The following LRP2 variants were observed in gnomAD, a reference collection of about 807,000 sequenced individuals.
LRP2 encodes the protein LDL receptor related protein 2.
In LRP2, 172 loss-of-function variants were observed where a neutral mutation model predicts 531.0. That is an observed-to-expected ratio of 0.32 (90% confidence interval 0.29 to 0.37). The LOEUF is 0.37. Ranked by LOEUF, LRP2 falls within the 10% of genes least tolerant of loss-of-function variation. The pLI is 1.00. For missense variants in LRP2, 5,167 were observed against 5,868.3 expected, an observed-to-expected ratio of 0.88 and a Z score of 3.90; for synonymous variants, 1,992 against 2,027.6, an observed-to-expected ratio of 0.98 and a Z score of 0.47.
chr2:169,191,876 A>G lies in LRP2; in HGVS notation c.8988T>C (p.Asn2996=). Residue 2996 remains asparagine (N), a synonymous_variant, in exon 48 of 79, where the codon AAT becomes AAC. Coordinates refer to ENST00000649046, the MANE Select transcript of LRP2 (RefSeq NM_004525.3). ...ACAGTCCGTAACCACAGGTGAATTC[A>G]TTTTCAGAGCAAGTTCTCCTGGTGC... The part of the protein sequence containing the change: ...QNCTRRTCSE[N]EFTCGYGLCI... The G allele has an allele frequency of 6.2e-7, 1 of 1,614,108 alleles. No individual in the cohort carries two copies. Among genetic ancestry groups the G allele is most frequent in the East Asian group, 2.2e-5 (1 of 44,870 alleles).
At chr2:169,129,675 C>T (rs1468175050) in intron 77 of LRP2, among the ~76,000 whole-genome samples, 1 of 152,094 alleles carries the variant, frequency 6.6e-6, no homozygotes, top group African/African-American at 2.4e-5. Flanking sequence ...GAGGTAGGTA[C>T]ACTTATTATC....
In LRP2 at chr2:169,238,161, C is replaced by T. The variant is rs774823133; in HGVS notation, c.4436G>A (p.Arg1479His). 4.8e-5 allele frequency: 77 copies of T among 1,614,018 alleles called. No individual in the cohort carries two copies. The South Asian group carries it at 5.4e-4, about 11-fold the overall frequency. ...VAVDFDSISG[R>H]IFWSDATQGK... ...CTGAGTTGCATCAGACCAAAAGATA[C>T]GACCACTAATTGAATCAAAATCAAC... is the stretch of plus-strand genomic sequence containing the variant. The change falls in exon 27 of 79, where the codon CGT becomes CAT. Residue 1479 changes from arginine (R) to histidine (H), a missense_variant. Arg to His is a conservative substitution (Grantham distance 29). This residue lies in a region of LRP2 where 2,811 missense variants were observed against 3,058.0 expected (regional missense o/e 0.92). Transcript: ENST00000649046.
In LRP2 at chr2:169,206,059, G is replaced by T; in HGVS notation, c.7520C>A (p.Pro2507Gln). Residue 2507 changes from proline (P) to glutamine (Q), a missense_variant, in exon 40 of 79, where the codon CCA becomes CAA. By Grantham distance (76) the Pro-to-Gln change is moderately conservative. Around this residue, in one of 6 missense-constraint regions of LRP2, gnomAD observed 1,129 missense variants for 1,362.7 expected, o/e 0.83. Coordinates refer to ENST00000649046, the MANE Select transcript of LRP2 (RefSeq NM_004525.3). ...ATCTAACACAATTGCTCTTGGTTTT[G>T]GAACGCGGGCTATCACAGTGCGGTT... ...GSNRTVIARV[P>Q]KPRAIVLDPC... 1 of 1,614,192 alleles carries T rather than the reference G, an allele frequency of 6.2e-7. No individual in the cohort carries two copies. The highest frequency in any genetic ancestry group is 8.5e-7 in the Non-Finnish European group (1 of 1,180,040).
chr2:169,155,183 C>A (rs1459236523), intron 65 of LRP2, among the ~76,000 whole-genome samples: 1 of 152,170 alleles, frequency 6.6e-6, no homozygotes, highest in Non-Finnish European at 1.5e-5. Context: ...CCAAGATGCA[C>A]TGTCTAGAAT....
chr2:169,189,294 T>C (rs1439979489), intron 48 of LRP2, among the ~76,000 whole-genome samples: 1 of 152,216 alleles, frequency 6.6e-6, no homozygotes, highest in East Asian at 1.9e-4. Flanking sequence ...CCAGGCCTGC[T>C]AACCAGCACT....
intron 16 of LRP2, among the ~76,000 whole-genome samples, chr2:169,268,819 G>A (rs1683311894): frequency 6.6e-6 from 1 of 152,190 alleles, no homozygotes; most frequent in Admixed American, 6.5e-5. Context: ...AATTGTCCCT[G>A]TTTGCAGATG....
chr2:169,207,895 A>C (rs1688452533), intron 38 of LRP2, among the ~76,000 whole-genome samples: 1 of 152,244 alleles, frequency 6.6e-6, no homozygotes, highest in Non-Finnish European at 1.5e-5. Context: ...TATTGATTTC[A>C]TGTAGTTGAA....
At chr2:169,144,351 T>C (rs1685829050) in intron 70 of LRP2, among the ~76,000 whole-genome samples, 1 of 152,138 alleles carries the variant, frequency 6.6e-6, no homozygotes, top group South Asian at 2.1e-4. Flanking sequence ...TCAAACAGGC[T>C]GGGCTGGGGC....
intron 44 of LRP2, among the ~76,000 whole-genome samples, chr2:169,200,841 C>T (rs1179311158): frequency 6.6e-6 from 1 of 152,104 alleles, no homozygotes; most frequent in Non-Finnish European, 1.5e-5. Flanking sequence ...GAACAACCAC[C>T]GATGGATGCT....
At chr2:169,358,951 A>G (rs919703361) in intron 1 of LRP2, among the ~76,000 whole-genome samples, 2 of 151,696 alleles carry the variant, frequency 1.3e-5, no homozygotes, top group African/African-American at 4.8e-5. Context: ...AGGGTCTGAG[A>G]AGTCTTCAGA....
intron 3 of LRP2, among the ~76,000 whole-genome samples, chr2:169,315,483 C>T (rs969032113): frequency 6.6e-6 from 1 of 152,098 alleles, no homozygotes; most frequent in Non-Finnish European, 1.5e-5. Flanking sequence ...TGTCTAGAAC[C>T]GAGCATTCAG....
intron 1 of LRP2, among the ~76,000 whole-genome samples, chr2:169,338,440 G>A (rs563688367): frequency 4.0e-5 from 6 of 149,304 alleles, no homozygotes; most frequent in African/African-American, 7.4e-5. Flanking sequence ...GGAGGAAGAC[G>A]GAGGGAGGAA....
rs1053896706 is a variant in LRP2, at chr2:169,294,524, A to G, written c.538+76T>C. 3.9e-6 allele frequency: 4 copies of G among 1,037,824 alleles called. No homozygotes were observed. In the South Asian group the frequency reaches 3.9e-5, roughly 10 times the overall value. The allele number at this position is 1,037,824 out of a possible 1,614,324, so 64.3% of individuals were successfully genotyped here. On this transcript the variant is annotated intron_variant, in intron 5 of 78. Coordinates refer to ENST00000649046, the MANE Select transcript of LRP2 (RefSeq NM_004525.3). ...TCACTGAACCTGAACTTGGGAAGAGATGTACATATTGGCTCTCTCAAACCA... is the reference window on the plus strand; with the variant it reads ...TCACTGAACCTGAACTTGGGAAGAGGTGTACATATTGGCTCTCTCAAACCA...
Position 169,280,377 on chromosome 2 carries a change from A to G in LRP2, c.1314T>C (p.Val438=), listed in dbSNP as rs748100736. Residue 438 remains valine, a synonymous_variant, in exon 11 of 79, where the codon GTT becomes GTC. Transcript: ENST00000649046. ...GVAFHYHLQR[V]FWTDTVQNKV... ...TATTTTGCACGGTGTCTGTCCAAAA[A>G]ACTCTTTGCAGGTGATAGTGGAAAG... is the stretch of plus-strand genomic sequence containing the variant. 9.9e-6 allele frequency: 16 copies of G among 1,614,012 alleles called. No individual in the cohort carries two copies. The Admixed American group carries it at 2.0e-4, about 20-fold the overall frequency.
In LRP2 at chr2:169,201,839, G is replaced by C. The variant is rs1424564376; in HGVS notation, c.8241C>G (p.Thr2747=). 1 of 1,614,180 alleles carries C rather than the reference G, an allele frequency of 6.2e-7. No homozygotes were observed. Among genetic ancestry groups the C allele is most frequent in the Non-Finnish European group, 8.5e-7 (1 of 1,180,038 alleles). Residue 2747 remains threonine, a synonymous_variant, in exon 44 of 79, where the codon ACC becomes ACG. Transcript: ENST00000649046. The part of the protein sequence containing the change: ...ALHTCSPTAF[T]CANGRCVQYS... ...ATTGGACACATCGCCCATTGGCACA[G>C]GTGAAGGCTGTCGGTGAGCAGGTGT...
At chr2:169,332,021 G>C (rs1685282252) in intron 1 of LRP2, among the ~76,000 whole-genome samples, 1 of 152,186 alleles carries the variant, frequency 6.6e-6, no homozygotes, top group Non-Finnish European at 1.5e-5. Context: ...GGGTTTTCCT[G>C]ATTAATTAGG....
At chr2:169,165,117 A>G (rs2105266160) in intron 62 of LRP2, among the ~76,000 whole-genome samples, 1 of 152,308 alleles carries the variant, frequency 6.6e-6, no homozygotes, top group East Asian at 1.9e-4. Context: ...GCTGGAAGTA[A>G]GCATTCTGTG....
At chr2:169,360,461 T>C (rs1380416217) in intron 1 of LRP2, among the ~76,000 whole-genome samples, 1 of 152,106 alleles carries the variant, frequency 6.6e-6, no homozygotes, top group Non-Finnish European at 1.5e-5. Context: ...GGAAGATGGA[T>C]GGGTGCAAAA....
chr2:169,307,342 T>C lies in LRP2; in HGVS notation c.366A>G (p.Pro122=), dbSNP rs376782191. The C allele has an allele frequency of 6.8e-6, 11 of 1,613,860 alleles. No homozygotes were observed. The highest frequency in any genetic ancestry group is 8.5e-6 in the Non-Finnish European group (10 of 1,179,838). The part of the protein sequence containing the change: ...QITCSNGQCI[P]SEYRCDHVRD... ...TGACGTGGTCGCACCTGTATTCACTTGGGATACACTGACCATTGGAGCATG... is the reference window on the plus strand; with the variant it reads ...TGACGTGGTCGCACCTGTATTCACTCGGGATACACTGACCATTGGAGCATG... Residue 122 remains proline (P), a synonymous_variant, in exon 4 of 79, where the codon CCA becomes CCG. Transcript: ENST00000649046.
Sources: gnomAD v4.1 joint callset for allele counts (sites outside exome capture counted in the v4.1 genomes callset) on GRCh38, gnomAD v4.1.1 for gene constraint, gnomAD v4.1.1 regional missense constraint, MANE v1.5 for transcripts, NCBI Gene and HGNC (gene_info 2026-07-23, HGNC 2026-07-21) for gene names.